The following SLIT3 variants were observed in gnomAD, a reference collection of about 807,000 sequenced individuals.
The protein encoded by SLIT3 is slit guidance ligand 3, also known as slit homolog 3 protein.
SLIT3 carries 68 observed loss-of-function variants against 184.0 expected under a neutral mutation model. That is an observed-to-expected ratio of 0.37 (90% confidence interval 0.30 to 0.45). SLIT3 has a LOEUF of 0.45. Ranked by LOEUF, SLIT3 falls within the 20% of genes least tolerant of loss-of-function variation. The pLI is 1.00. For missense variants in SLIT3, 1,707 were observed against 2,026.0 expected, an observed-to-expected ratio of 0.84 and a Z score of 3.02; for synonymous variants, 831 against 828.6, an observed-to-expected ratio of 1.00 and a Z score of -0.05.
chr5:168,775,124 G>T (rs1289585316), intron 12 of SLIT3, among the ~76,000 whole-genome samples: 1 of 149,674 alleles, frequency 6.7e-6, no homozygotes, highest in Non-Finnish European at 1.5e-5. Flanking sequence ...TGCAACCTCC[G>T]CCTCTTGGGT....
At chr5:168,878,114 T>G (rs1168801322) in intron 5 of SLIT3, among the ~76,000 whole-genome samples, 3 of 152,212 alleles carry the variant, frequency 2.0e-5, no homozygotes, top group Non-Finnish European at 4.4e-5. Context: ...ACAGTCTCTC[T>G]AAGGGTCTCT....
intron 3 of SLIT3, among the ~76,000 whole-genome samples, chr5:169,218,874 TA>T (rs1366227501): frequency 1.3e-5 from 2 of 152,202 alleles, no homozygotes; most frequent in African/African-American, 4.8e-5. Flanking sequence ...ATACAACTGG[TA>T]ACATTAAGAT....
chr5:168,740,114 C>G (rs1257375421), intron 20 of SLIT3, among the ~76,000 whole-genome samples: 1 of 152,092 alleles, frequency 6.6e-6, no homozygotes, highest in Non-Finnish European at 1.5e-5. Context: ...TAAAGGAGTC[C>G]TGAGACCTAA....
intron 23 of SLIT3, chr5:168,720,860 C>T (rs1762921577): frequency 6.6e-6 from 1 of 152,166 alleles, no homozygotes; most frequent in South Asian, 2.1e-4. Flanking sequence ...CAATAAATCA[C>T]ATCAGCCTGG....
intron 12 of SLIT3, among the ~76,000 whole-genome samples, chr5:168,777,078 C>G (rs1581070708): frequency 2.8e-5 from 1 of 35,964 alleles, no homozygotes; most frequent in African/African-American, 1.4e-4. Flanking sequence ...CACACACACA[C>G]ACACACACAC....
chr5:168,804,853 C>G (rs1330826764), intron 9 of SLIT3, among the ~76,000 whole-genome samples: 1 of 152,178 alleles, frequency 6.6e-6, no homozygotes, highest in East Asian at 1.9e-4. Flanking sequence ...GATGCGGCCC[C>G]TCCTTACCTC....
chr5:168,964,613 T>G (rs1252701286), intron 4 of SLIT3, among the ~76,000 whole-genome samples: 2 of 152,170 alleles, frequency 1.3e-5, no homozygotes, highest in African/African-American at 4.8e-5. Context: ...AAATGTAAAA[T>G]AATCCAGTTA....
At chr5:168,791,254 TCTAGTTGCAAGAGGAAG>T (rs1378109559) in intron 10 of SLIT3, 1 of 152,242 alleles carries the variant, frequency 6.6e-6, no homozygotes, top group East Asian at 1.9e-4. Flanking sequence ...TGCTGAGACC[TCTAGTTGCAAGAGGAAG>T]CTATGTGGCC....
intron 4 of SLIT3, among the ~76,000 whole-genome samples, chr5:169,142,213 T>C (rs1761772757): frequency 6.6e-6 from 1 of 152,154 alleles, no homozygotes; most frequent in African/African-American, 2.4e-5. Flanking sequence ...CCAGTTAACT[T>C]TATTTATACT....
In SLIT3 at chr5:168,887,551, G is replaced by A. The variant is rs116795943; in HGVS notation, c.414-4215C>T. On this transcript the variant is annotated intron_variant, in intron 4 of 35. Transcript: ENST00000519560. Reference sequence around the variant, plus strand: ...AGTTGTGAGAGCGAAATGATTACACGTAGAGCACCGTGTGGAATCATTTGC... The same window carrying A: ...AGTTGTGAGAGCGAAATGATTACACATAGAGCACCGTGTGGAATCATTTGC... Among the ~76,000 whole-genome samples, 1,270 of 152,222 alleles carry A rather than the reference G, an allele frequency of 8.3e-3. 13 individuals are homozygous for A. The highest frequency in any genetic ancestry group is 0.028 in the African/African-American group (1,179 of 41,536).
intron 5 of SLIT3, among the ~76,000 whole-genome samples, chr5:168,877,331 G>T (rs922442004): frequency 6.6e-6 from 1 of 152,126 alleles, no homozygotes; most frequent in Non-Finnish European, 1.5e-5. Flanking sequence ...AGCATCTTAT[G>T]TTAAGGGAGC....
intron 5 of SLIT3, among the ~76,000 whole-genome samples, chr5:168,866,281 C>T (rs1185820562): frequency 6.6e-6 from 1 of 152,184 alleles, no homozygotes; most frequent in Non-Finnish European, 1.5e-5. Context: ...GGTCCTTTAC[C>T]CTCCACTGTT....
At chr5:168,974,722 T>C (rs918052697) in intron 4 of SLIT3, among the ~76,000 whole-genome samples, 1 of 152,186 alleles carries the variant, frequency 6.6e-6, no homozygotes, top group African/African-American at 2.4e-5. Context: ...GGAGGGGCTG[T>C]CACCCACCAA....
At chr5:169,273,050 G>A (rs1766684167) in intron 1 of SLIT3, among the ~76,000 whole-genome samples, 1 of 152,032 alleles carries the variant, frequency 6.6e-6, no homozygotes, top group Admixed American at 6.6e-5. Flanking sequence ...GACACACATG[G>A]TGCCAAATGC....
rs34026582 is a variant in SLIT3, at chr5:169,210,399, A to G, written c.342-16849T>C. 7.6e-3 allele frequency among the ~76,000 whole-genome samples: 1,160 copies of G among 152,354 alleles called. 5 individuals are homozygous for G. The highest frequency in any genetic ancestry group is 0.017 in the Middle Eastern group (5 of 294). On this transcript the variant is annotated intron_variant, in intron 3 of 35. Transcript: ENST00000519560. ...TCATGGTCATTATTAAAGAGAGGCC[A>G]AGGAAAAAGAAAGGAAGTTGACTTA...
At chr5:168,668,062 T>C (rs12517493) in intron 35 of SLIT3, among the ~76,000 whole-genome samples, 7,814 of 152,170 alleles carry the variant, frequency 0.051, 544 homozygotes, top group Admixed American at 0.2. Context: ...TGTGGAAAAG[T>C]CCTCAAGGCA....
At chr5:169,087,484 C>T (rs1297060642) in intron 4 of SLIT3, among the ~76,000 whole-genome samples, 1 of 152,200 alleles carries the variant, frequency 6.6e-6, no homozygotes, top group Non-Finnish European at 1.5e-5. Flanking sequence ...TAAGAATGCA[C>T]CCCTGGCCTC....
At chr5:169,279,966 C>T (rs1019389040) in intron 1 of SLIT3, among the ~76,000 whole-genome samples, 2 of 152,238 alleles carry the variant, frequency 1.3e-5, no homozygotes, top group African/African-American at 4.8e-5. Context: ...TCACTAATTC[C>T]TTGCAAAAAT....
intron 1 of SLIT3, among the ~76,000 whole-genome samples, chr5:169,262,577 T>C (rs1766229730): frequency 6.6e-6 from 1 of 152,008 alleles, no homozygotes; most frequent in African/African-American, 2.4e-5. Context: ...ACTGGAACCA[T>C]AAAAGGGGCC....
Sources: allele counts gnomAD v4.1 joint callset (sites outside exome capture counted in the v4.1 genomes callset), GRCh38; gene constraint gnomAD v4.1.1; transcripts MANE v1.5; gene names NCBI Gene and HGNC (gene_info 2026-07-23, HGNC 2026-07-21).